ESF1: variants seen among roughly 807,000 people sequenced by gnomAD.
ESF1 encodes the protein ESF1 nucleolar pre-rRNA processing protein.
A neutral mutation model predicts 92.0 loss-of-function variants in ESF1; 58 were observed. That is an observed-to-expected ratio of 0.63 (90% CI 0.51 to 0.78). The LOEUF is 0.78. ESF1 is among the 30% of genes least tolerant of loss of function. The probability of loss-of-function intolerance (pLI) is 0.00; values close to 1 mark genes in which losing one functional copy is unlikely to be tolerated. For missense variants in ESF1, 922 were observed against 989.1 expected, an observed-to-expected ratio of 0.93 and a Z score of 0.91; for synonymous variants, 321 against 313.7, an observed-to-expected ratio of 1.02 and a Z score of -0.24.
intron 7 of ESF1, among the ~76,000 whole-genome samples, chr20:13,767,472 G>A (rs1979483713): frequency 6.6e-6 from 1 of 151,290 alleles, no homozygotes; most frequent in Non-Finnish European, 1.5e-5. Context: ...GGAGGCAGAG[G>A]TTGCTGAGAT....
intron 9 of ESF1, among the ~76,000 whole-genome samples, chr20:13,737,064 G>A (rs943798902): frequency 1.3e-5 from 2 of 152,054 alleles, no homozygotes; most frequent in African/African-American, 4.8e-5. Context: ...GCATAAGTAC[G>A]AGAACATTCT....
At chr20:13,748,463 T>C (rs1228916523) in intron 9 of ESF1, among the ~76,000 whole-genome samples, 1 of 125,674 alleles carries the variant, frequency 8.0e-6, no homozygotes, top group African/African-American at 3.0e-5. Flanking sequence ...TATATACATA[T>C]ATACACATAT....
intron 4 of ESF1, among the ~76,000 whole-genome samples, chr20:13,773,922 C>T (rs1222729101): frequency 2.0e-5 from 3 of 151,868 alleles, no homozygotes; most frequent in African/African-American, 4.8e-5. Flanking sequence ...AGTGAAAACC[C>T]GTCTCTACTA....
At chr20:13,742,766 ACACAC>A (rs898741368) in intron 9 of ESF1, among the ~76,000 whole-genome samples, 8 of 152,314 alleles carry the variant, frequency 5.3e-5, no homozygotes, top group African/African-American at 1.4e-4. Flanking sequence ...AGTATCCCAA[ACACAC>A]CCACACTTCC....
chr20:13,784,679 A>G (rs553115505), intron 1 of ESF1: 7 of 228,980 alleles, frequency 3.1e-5, no homozygotes, highest in African/African-American at 1.6e-4. Context: ...GGCAGCTAAC[A>G]GACTGATTCG....
chr20:13,747,181 G>C (rs2050055259), intron 9 of ESF1, among the ~76,000 whole-genome samples: 1 of 151,668 alleles, frequency 6.6e-6, no homozygotes, highest in Non-Finnish European at 1.5e-5. Flanking sequence ...TTTTGTATTT[G>C]TAATTAACTG....
At chr20:13,721,337 A>G (rs1348281184) in intron 11 of ESF1, among the ~76,000 whole-genome samples, 2 of 152,204 alleles carry the variant, frequency 1.3e-5, no homozygotes, top group Non-Finnish European at 2.9e-5. Flanking sequence ...TGCTGGTGAC[A>G]CAAGCCGTGA....
At chr20:13,766,952 C>T in intron 7 of ESF1, 28 bp from the exon 8 acceptor site, 1 of 1,600,286 alleles carries the variant, frequency 6.2e-7, no homozygotes, top group Non-Finnish European at 8.5e-7. Context: ...GAAAAAATAA[C>T]ACACGAAAAT....
chr20:13,773,923 G>A lies in ESF1; in HGVS notation c.1149+1234C>T, dbSNP rs375960557. On this transcript the variant is annotated intron_variant, in intron 4 of 13. Transcript: ENST00000617257. ...ATCCTGGCTAACACAGTGAAAACCCGTCTCTACTAAAAATACAAAAAATTA... is the reference window on the plus strand; with the variant it reads ...ATCCTGGCTAACACAGTGAAAACCCATCTCTACTAAAAATACAAAAAATTA... Among the ~76,000 whole-genome samples the A allele has an allele frequency of 3.3e-4, 50 of 152,070 alleles. 1 individual carries two copies. The East Asian group carries it at 7.6e-3, about 23-fold the overall frequency.
intron 10 of ESF1, among the ~76,000 whole-genome samples, chr20:13,729,030 G>A (rs1244035397): frequency 1.3e-5 from 2 of 152,092 alleles, no homozygotes; most frequent in African/African-American, 4.8e-5. Context: ...AAGCTGAGGT[G>A]AGCAGATCAC....
In ESF1 at chr20:13,717,593, T is replaced by C. The variant is rs1026095770; in HGVS notation, c.2116-79A>G. 4.7e-6 allele frequency: 7 copies of C among 1,486,726 alleles called. No individual in the cohort carries two copies. In the African/African-American group the frequency reaches 5.6e-5, roughly 12 times the overall value. The allele number at this position is 1,486,726 out of a possible 1,614,324, so 92.1% of individuals were successfully genotyped here. On this transcript the variant is annotated intron_variant, in intron 12 of 13. Transcript: ENST00000617257. ...CCAAAAAGGAGTATAGGGCAGAAGA[T>C]ATCTCTTCTAGAAAGGAAGACTCAA...
chr20:13,720,838 C>T (rs1033393837), intron 11 of ESF1, among the ~76,000 whole-genome samples: 6 of 152,252 alleles, frequency 3.9e-5, no homozygotes, highest in South Asian at 2.1e-4. Context: ...AAACAAGAAA[C>T]GGCTGGGCGC....
At chr20:13,762,602 G>A (rs921571577) in intron 8 of ESF1, among the ~76,000 whole-genome samples, 4 of 152,058 alleles carry the variant, frequency 2.6e-5, no homozygotes, top group African/African-American at 9.7e-5. Context: ...AAGGACACTA[G>A]TTTGTGAAAC....
intron 9 of ESF1, among the ~76,000 whole-genome samples, chr20:13,745,408 C>T (rs1261272161): frequency 1.3e-5 from 2 of 152,158 alleles, no homozygotes; most frequent in Non-Finnish European, 2.9e-5. Context: ...GAACCATATA[C>T]ACATATATGG....
chr20:13,782,689 T>C lies in ESF1; in HGVS notation c.452A>G (p.Asn151Ser), dbSNP rs761758288. The change falls in exon 2 of 14, where the codon AAC (asparagine) becomes AGC (serine). Residue 151 changes from asparagine (N) to serine (S), a missense_variant. Asn to Ser is a conservative substitution (Grantham distance 46, BLOSUM62 1). Transcript: ENST00000617257. ...TTTGCTATCCTTCTTCGGACTTATG[T>C]TTGAATCTATCTTAAATTTACATGA... ...KTSCKFKIDS[N>S]ISPKKDSKEF... 6.3e-7 allele frequency: 1 copy of C among 1,591,424 alleles called. No homozygotes were observed. Among genetic ancestry groups the C allele is most frequent in the Admixed American group, 1.8e-5 (1 of 54,428 alleles).
At chr20:13,759,195 C>T (rs1207042103) in intron 9 of ESF1, among the ~76,000 whole-genome samples, 1 of 152,128 alleles carries the variant, frequency 6.6e-6, no homozygotes, top group Admixed American at 6.5e-5. Flanking sequence ...CTTTGTTTAG[C>T]TTTGACATGA....
At chr20:13,777,301 G>A (rs1279498226) in intron 2 of ESF1, among the ~76,000 whole-genome samples, 2 of 152,146 alleles carry the variant, frequency 1.3e-5, no homozygotes, top group African/African-American at 4.8e-5. Context: ...TTTTGGAAGT[G>A]TCAAAGATGA....
intron 8 of ESF1, among the ~76,000 whole-genome samples, chr20:13,760,625 G>A (rs1425277818): frequency 6.6e-6 from 1 of 151,764 alleles, no homozygotes; most frequent in African/African-American, 2.4e-5. Flanking sequence ...GAAGTGAGGA[G>A]CGTCTCCGCC....
At chr20:13,775,454 T>C (rs1473922780) in intron 3 of ESF1, among the ~76,000 whole-genome samples, 184 bp from the exon 4 acceptor site, 1 of 152,164 alleles carries the variant, frequency 6.6e-6, no homozygotes, top group African/African-American at 2.4e-5. Context: ...AGTAAAACCA[T>C]AACAGGTAAG....
Sources: allele counts gnomAD v4.1 joint callset (sites outside exome capture counted in the v4.1 genomes callset), GRCh38; gene constraint gnomAD v4.1.1; transcripts MANE v1.5; gene names NCBI Gene and HGNC (gene_info 2026-07-23, HGNC 2026-07-21).